Variants in OR2G6 observed in about 807,000 individuals in gnomAD.
The protein encoded by OR2G6 is olfactory receptor family 2 subfamily G member 6.
For synonymous variants in OR2G6, 183 were observed against 155.2 expected, an observed-to-expected ratio of 1.18 and a Z score of -1.33; for missense variants, 457 against 391.3, an observed-to-expected ratio of 1.17 and a Z score of -1.42.
chr1:248,523,506 G>A lies in OR2G6; in HGVS notation c.*909G>A, dbSNP rs914953973. ...TAAACTCTGGAAAACAGTTACTTAT[G>A]TAATTTTATACTTCAAAAATTTGAA... On this transcript the variant is annotated 3_prime_UTR_variant, in exon 2 of 2. Transcript: ENST00000641804. The A allele has an allele frequency of 6.6e-6, 1 of 152,056 alleles. No individual in the cohort carries two copies. Among genetic ancestry groups the A allele is most frequent in the Non-Finnish European group, 1.5e-5 (1 of 68,020 alleles). The allele number at this position is 152,056 out of a possible 1,614,324, so 9.4% of individuals were successfully genotyped here.
chr1:248,522,301 G>T lies in OR2G6; in HGVS notation c.655G>T (p.Gly219Cys). 6.2e-7 allele frequency: 1 copy of T among 1,614,142 alleles called. No homozygotes were observed. Among genetic ancestry groups the T allele is most frequent in the South Asian group, 1.1e-5 (1 of 91,086 alleles). Residue 219 changes from glycine to cysteine, a missense_variant, in exon 2 of 2, where the codon GGC becomes TGC. Gly to Cys is a radical substitution (Grantham distance 159, BLOSUM62 -3). Transcript: ENST00000641804. The part of the protein sequence containing the change: ...VPVLLILVSY[G>C]FITQAVLRIK... ...GGTGTTACTCATCTTAGTCTCCTAT[G>T]GCTTTATCACTCAAGCTGTGTTAAG...
In OR2G6 at chr1:248,523,079, G is replaced by A; in HGVS notation, c.*482G>A. Reference sequence around the variant, plus strand: ...TTCTCATCCTTGTGCAGAATTAACTGTTTCATAATATGTTTCCATAGCACT... The same window carrying A: ...TTCTCATCCTTGTGCAGAATTAACTATTTCATAATATGTTTCCATAGCACT... On this transcript the variant is annotated 3_prime_UTR_variant, in exon 2 of 2. Transcript: ENST00000641804. The A allele has an allele frequency of 6.3e-6, 1 of 157,842 alleles. No individual in the cohort carries two copies. The highest frequency in any genetic ancestry group is 1.4e-5 in the Non-Finnish European group (1 of 71,726). The allele number at this position is 157,842 out of a possible 1,614,324, so 9.8% of individuals were successfully genotyped here.
Position 248,525,066 on chromosome 1 carries a change from TTATA to T in OR2G6, c.*2470_*2473del, listed in dbSNP as rs2103064180. On this transcript the variant is annotated 3_prime_UTR_variant, in exon 2 of 2. Transcript: ENST00000641804. ...ATGTATAATTTCATACTATTTTTATTTATAATGTGAGCATTTTTCTGATTAATCT... is the reference window on the plus strand; with the variant it reads ...ATGTATAATTTCATACTATTTTTATTATGTGAGCATTTTTCTGATTAATCT... 6.6e-6 allele frequency: 1 copy of T among 152,158 alleles called. No individual in the cohort carries two copies. The highest frequency in any genetic ancestry group is 2.4e-5 in the African/African-American group (1 of 41,512). The allele number at this position is 152,158 out of a possible 1,614,324, so 9.4% of individuals were successfully genotyped here.
chr1:248,520,251 A>G (rs1179226511), intron 1 of OR2G6, among the ~76,000 whole-genome samples: 1 of 152,134 alleles, frequency 6.6e-6, no homozygotes, highest in Non-Finnish European at 1.5e-5. Context: ...AGGGAGGGGA[A>G]CATCACACAC....
At chr1:248,521,021 G>A (rs1664273088) in intron 1 of OR2G6, among the ~76,000 whole-genome samples, 1 of 123,810 alleles carries the variant, frequency 8.1e-6, no homozygotes, top group African/African-American at 3.0e-5. Context: ...CACCCTGGGA[G>A]ACAGAGTGAG....
At chr1:248,520,663 A>T (rs1279505508) in intron 1 of OR2G6, among the ~76,000 whole-genome samples, 3 of 152,036 alleles carry the variant, frequency 2.0e-5, no homozygotes, top group Non-Finnish European at 4.4e-5. Flanking sequence ...ACTTGAGGTC[A>T]GTTGTTCAAG....
Position 248,522,623 on chromosome 1 carries a change from G to A in OR2G6, c.*26G>A. The A allele has an allele frequency of 6.7e-7, 1 of 1,499,380 alleles. No homozygotes were observed. The highest frequency in any genetic ancestry group is 9.1e-7 in the Non-Finnish European group (1 of 1,099,868). The allele number at this position is 1,499,380 out of a possible 1,614,324, so 92.9% of individuals were successfully genotyped here. ...GAAACACCTGGAATTCTAAACAAGGGAAACACCTCAAGGCAGAGTGAGGGT... is the reference window on the plus strand; with the variant it reads ...GAAACACCTGGAATTCTAAACAAGGAAAACACCTCAAGGCAGAGTGAGGGT... On this transcript the variant is annotated 3_prime_UTR_variant, in exon 2 of 2. Coordinates refer to ENST00000641804, the MANE Select transcript of OR2G6 (RefSeq NM_001013355.2).
In OR2G6 at chr1:248,521,682, T is replaced by C; in HGVS notation, c.36T>C (p.Phe12=). 3 of 1,613,986 alleles carry C rather than the reference T, an allele frequency of 1.9e-6. No individual in the cohort carries two copies. In the South Asian group the frequency reaches 3.3e-5, roughly 18 times the overall value. The change falls in exon 2 of 2, where the codon TTT becomes TTC. Residue 12 remains phenylalanine (F), a synonymous_variant. Coordinates refer to ENST00000641804, the MANE Select transcript of OR2G6 (RefSeq NM_001013355.2). ...CCAACAACAGCTCTGAAAAGGGATT[T>C]CTTCTCCTGGGATTTTCAGATCAGC... is the stretch of plus-strand genomic sequence containing the variant. ...EETNNSSEKG[F]LLLGFSDQPQ...
At chr1:248,520,061 T>A (rs1050813374) in intron 1 of OR2G6, among the ~76,000 whole-genome samples, 1 of 152,158 alleles carries the variant, frequency 6.6e-6, no homozygotes, top group Non-Finnish European at 1.5e-5. Context: ...AAAGAAAGTG[T>A]GGCACATATA....
In OR2G6 at chr1:248,520,855, A is replaced by AAT. The variant is rs1553328184; in HGVS notation, c.-36-742_-36-741dup. ...GAAACCCCCATCTCTACTAAAAAAA[A>AAT]ATATATATATATATAAAAATATATA... is the stretch of plus-strand genomic sequence containing the variant. On this transcript the variant is annotated intron_variant, in intron 1 of 1. Transcript: ENST00000641804. 2.7e-3 allele frequency among the ~76,000 whole-genome samples: 241 copies of AAT among 90,594 alleles called. 2 individuals are homozygous for AAT. In the Middle Eastern group the frequency reaches 0.028, roughly 11 times the overall value. The allele number at this position is 90,594 out of a possible 152,430, so 59.4% of individuals were successfully genotyped here.
At position 248,526,574 on chromosome 1, in the gene OR2G6, G is replaced by A. The variant is rs1659117209; in HGVS notation, c.*3977G>A. On this transcript the variant is annotated 3_prime_UTR_variant, in exon 2 of 2. Coordinates refer to ENST00000641804, the MANE Select transcript of OR2G6 (RefSeq NM_001013355.2). ...CAACAGCTTCTCACTGTGCAAAGTA[G>A]AGAGAAATTCCCTTTTGCTTTGGCA... 1 of 152,132 alleles carries A rather than the reference G, an allele frequency of 6.6e-6. No individual in the cohort carries two copies. Among genetic ancestry groups the A allele is most frequent in the African/African-American group, 2.4e-5 (1 of 41,432 alleles). 9.4% of individuals were successfully genotyped at this position (152,132 alleles called of 1,614,324 possible). A position where few individuals can be genotyped will look rare whatever the true frequency, so the allele number is the denominator to read the frequency against.
Position 248,524,777 on chromosome 1 carries a change from G to A in OR2G6, c.*2180G>A, listed in dbSNP as rs1241658004. Reference sequence around the variant, plus strand: ...CTGAAAATAAAATCAAATTATTACTGTATACAATAAATTCAAACATAATTC... The same window carrying A: ...CTGAAAATAAAATCAAATTATTACTATATACAATAAATTCAAACATAATTC... On this transcript the variant is annotated 3_prime_UTR_variant, in exon 2 of 2. Coordinates refer to ENST00000641804, the MANE Select transcript of OR2G6 (RefSeq NM_001013355.2). 1 of 152,050 alleles carries A rather than the reference G, an allele frequency of 6.6e-6. No individual in the cohort carries two copies. Among genetic ancestry groups the A allele is most frequent in the Non-Finnish European group, 1.5e-5 (1 of 68,024 alleles). The allele number at this position is 152,050 out of a possible 1,614,324, so 9.4% of individuals were successfully genotyped here. A position where few individuals can be genotyped will look rare whatever the true frequency, so the allele number is the denominator to read the frequency against.
At chr1:248,519,771 C>T (rs764013503) in intron 1 of OR2G6, among the ~76,000 whole-genome samples, 2 of 152,264 alleles carry the variant, frequency 1.3e-5, no homozygotes, top group Middle Eastern at 6.8e-3. Context: ...AGTGTGATGC[C>T]TCCAGCTTTG....
Position 248,526,831 on chromosome 1 carries a change from T to G in OR2G6, c.*4234T>G, listed in dbSNP as rs1173852604. ...GTCTGTTCATATCTTTCGCCCACTT[T>G]TTGATGGGTTTTTTTTTTCTTGTAA... On this transcript the variant is annotated 3_prime_UTR_variant, in exon 2 of 2. Coordinates refer to ENST00000641804, the MANE Select transcript of OR2G6 (RefSeq NM_001013355.2). The G allele has an allele frequency of 6.9e-6, 1 of 143,930 alleles. No individual in the cohort carries two copies. Among genetic ancestry groups the G allele is most frequent in the Non-Finnish European group, 1.5e-5 (1 of 66,722 alleles). 8.9% of individuals were successfully genotyped at this position (143,930 alleles called of 1,614,324 possible). A position where few individuals can be genotyped will look rare whatever the true frequency, so the allele number is the denominator to read the frequency against.
In OR2G6 at chr1:248,520,855, A is replaced by AT. The variant is rs1442513280; in HGVS notation, c.-36-756_-36-755insT. Among the ~76,000 whole-genome samples, 722 of 90,586 alleles carry AT rather than the reference A, an allele frequency of 8.0e-3. 3 individuals carry two copies. The highest frequency in any genetic ancestry group is 0.029 in the African/African-American group (559 of 19,330). 59.4% of individuals were successfully genotyped at this position (90,586 alleles called of 152,430 possible). A position where few individuals can be genotyped will look rare whatever the true frequency, so the allele number is the denominator to read the frequency against. The stretch of plus-strand genomic sequence containing the variant: ...GAAACCCCCATCTCTACTAAAAAAA[A>AT]ATATATATATATATAAAAATATATA... On this transcript the variant is annotated intron_variant, in intron 1 of 1. Coordinates refer to ENST00000641804, the MANE Select transcript of OR2G6 (RefSeq NM_001013355.2).
In OR2G6 at chr1:248,525,203, T is replaced by C. The variant is rs568043183; in HGVS notation, c.*2606T>C. 1 of 152,184 alleles carries C rather than the reference T, an allele frequency of 6.6e-6. No individual in the cohort carries two copies. The highest frequency in any genetic ancestry group is 2.1e-4 in the South Asian group (1 of 4,836). The allele number at this position is 152,184 out of a possible 1,614,324, so 9.4% of individuals were successfully genotyped here. ...GCATACTTTTGTTTGTGAATGCTTA[T>C]AATTATGTACTTATAATGTATTTTA... On this transcript the variant is annotated 3_prime_UTR_variant, in exon 2 of 2. Coordinates refer to ENST00000641804, the MANE Select transcript of OR2G6 (RefSeq NM_001013355.2).
rs1432046310 is a variant in OR2G6, at chr1:248,523,154, T to A, written c.*557T>A. 2 of 153,868 alleles carry A rather than the reference T, an allele frequency of 1.3e-5. No homozygotes were observed. The highest frequency in any genetic ancestry group is 2.9e-5 in the Non-Finnish European group (2 of 69,268). 9.5% of individuals were successfully genotyped at this position (153,868 alleles called of 1,614,324 possible). On this transcript the variant is annotated 3_prime_UTR_variant, in exon 2 of 2. Coordinates refer to ENST00000641804, the MANE Select transcript of OR2G6 (RefSeq NM_001013355.2). ...TTCACATTTGAGATATATGTATACA[T>A]ATATCTCTAACTAGGCAAAGCAATG...
rs765818412 is a variant in OR2G6 at position 248,523,316 on chromosome 1, C to A, written c.*719C>A. 9.2e-5 allele frequency: 14 copies of A among 151,982 alleles called. No homozygotes were observed. The highest frequency in any genetic ancestry group is 1.8e-4 in the Non-Finnish European group (12 of 68,004). The allele number at this position is 151,982 out of a possible 1,614,324, so 9.4% of individuals were successfully genotyped here. A position where few individuals can be genotyped will look rare whatever the true frequency, so the allele number is the denominator to read the frequency against. On this transcript the variant is annotated 3_prime_UTR_variant, in exon 2 of 2. Transcript: ENST00000641804. ...TATTAAGAGTTGTGATGCTTTGGTT[C>A]CACAGAATTGTGGGATGCAAATAAT...
In OR2G6 at chr1:248,522,432, G is replaced by A. The variant is rs531426431; in HGVS notation, c.786G>A (p.Pro262=). Residue 262 remains proline (P), a synonymous_variant, in exon 2 of 2, where the codon CCG becomes CCA. Coordinates refer to ENST00000641804, the MANE Select transcript of OR2G6 (RefSeq NM_001013355.2). ...CCATCATATTCATGTACCTTCAACC[G>A]GCCAATAGGAGATCCAAAAACCAGG... The part of the protein sequence containing the change: ...YGTIIFMYLQ[P]ANRRSKNQGK... 26 of 1,614,034 alleles carry A rather than the reference G, an allele frequency of 1.6e-5. No homozygotes were observed. Among genetic ancestry groups the A allele is most frequent in the South Asian group, 1.2e-4 (11 of 91,058 alleles).
Sources: allele counts gnomAD v4.1 joint callset (sites outside exome capture counted in the v4.1 genomes callset), GRCh38; gene constraint gnomAD v4.1.1; transcripts MANE v1.5; gene names NCBI Gene and HGNC (gene_info 2026-07-23, HGNC 2026-07-21).